The following C20orf96 variants were observed in gnomAD, a reference collection of about 807,000 sequenced individuals.
C20orf96 encodes chromosome 20 open reading frame 96.
In C20orf96, 57 loss-of-function variants were observed where a neutral mutation model predicts 52.6. That is an observed-to-expected ratio of 1.08 (90% CI 0.88 to 1.35). The LOEUF is 1.35. C20orf96 is among the 40% of genes most tolerant of loss of function. C20orf96 has a pLI of 0.00. For missense variants in C20orf96, 478 were observed against 443.6 expected (o/e 1.08, Z -0.70); for synonymous variants, 168 against 157.2 (o/e 1.07, Z -0.51).
intron 3 of C20orf96, among the ~76,000 whole-genome samples, chr20:288,964 T>C (rs920621383): frequency 3.9e-5 from 6 of 152,114 alleles, no homozygotes; most frequent in Non-Finnish European, 8.8e-5. Context: ...AGAGCCAAAA[T>C]CTGACCCCAT....
chr20:285,701 C>A (rs555387732), intron 3 of C20orf96, among the ~76,000 whole-genome samples: 1 of 152,272 alleles, frequency 6.6e-6, no homozygotes, highest in South Asian at 2.1e-4. Context: ...CCTGCCTCAG[C>A]CTCCTGAATA....
At chr20:289,514 T>C (rs778657963) in intron 3 of C20orf96, 45 bp downstream of exon 3, 4 of 1,314,086 alleles carry the variant, frequency 3.0e-6, no homozygotes, top group African/African-American at 1.4e-5. Flanking sequence ...AGCCACTCTA[T>C]CCTGTCTCCA....
chr20:279,753 C>CCT (rs2012201194), intron 4 of C20orf96, among the ~76,000 whole-genome samples: 1 of 152,050 alleles, frequency 6.6e-6, no homozygotes, highest in African/African-American at 2.4e-5. Flanking sequence ...GGGCCGATCA[C>CCT]GAGGTCAAGA....
At position 284,034 on chromosome 20, in the gene C20orf96, T is replaced by A; in HGVS notation, c.235A>T (p.Asn79Tyr). 6 of 1,614,200 alleles carry A rather than the reference T, an allele frequency of 3.7e-6. No individual in the cohort carries two copies. Among genetic ancestry groups the A allele is most frequent in the Non-Finnish European group, 5.1e-6 (6 of 1,180,028 alleles). The change falls in exon 4 of 11, where the codon AAT becomes TAT. Residue 79 changes from asparagine (N) to tyrosine (Y), a missense_variant. Physicochemically the swap from Asn to Tyr is moderately radical, Grantham distance 143 (BLOSUM62 -2). Transcript: ENST00000360321. ...TTVVTSCQPK[N>Y]PRELHRRRKL... is the part of the protein sequence containing the mutation. The stretch of plus-strand genomic sequence containing the variant: ...CGCCTTCTATGTAGTTCTCTTGGAT[T>A]CTTCGGCTGGCAGCTTGTCACCACC...
At position 276,885 on chromosome 20, in the gene C20orf96, GA is replaced by G. The variant is rs2012043740; in HGVS notation, c.826-7del. On this transcript the variant is annotated splice_region_variant and splice_polypyrimidine_tract_variant and intron_variant, in intron 8 of 10. Coordinates refer to ENST00000360321, the MANE Select transcript of C20orf96 (RefSeq NM_153269.3). Reference sequence around the variant, plus strand: ...TCATAGGGACGCTGGGTTTCCTGTGGAGGAAGAAGAGGTCTGGCCCCCAGGT... The same window carrying G: ...TCATAGGGACGCTGGGTTTCCTGTGGGGAAGAAGAGGTCTGGCCCCCAGGT... 2 of 1,613,866 alleles carry G rather than the reference GA, an allele frequency of 1.2e-6. No homozygotes were observed. Among genetic ancestry groups the G allele is most frequent in the African/African-American group, 2.7e-5 (2 of 74,932 alleles).
Position 276,034 on chromosome 20 carries a change from T to C in C20orf96, c.965A>G (p.Glu322Gly). ...GGGTTCCCGGGTCTGGGCTTGGAGC[T>C]CTTCCACCTCGGCCCTTAATACAGG... ...NMPVLRAEVE[E>G]LQAQTREPRE... is the part of the protein sequence containing the mutation. Residue 322 changes from glutamate to glycine, a missense_variant, in exon 10 of 11, where the codon GAG becomes GGG. Glu to Gly is a moderately conservative substitution (Grantham distance 98). Transcript: ENST00000360321. The C allele has an allele frequency of 6.2e-7, 1 of 1,614,130 alleles. No individual in the cohort carries two copies. Among genetic ancestry groups the C allele is most frequent in the Non-Finnish European group, 8.5e-7 (1 of 1,180,016 alleles).
chr20:281,666 T>C (rs746185449), intron 4 of C20orf96, among the ~76,000 whole-genome samples: 7 of 152,112 alleles, frequency 4.6e-5, no homozygotes, highest in Admixed American at 4.6e-4. Context: ...ATGGGCACTA[T>C]TATTAGGCCA....
chr20:285,775 T>C (rs1429595700), intron 3 of C20orf96, among the ~76,000 whole-genome samples: 1 of 152,132 alleles, frequency 6.6e-6, no homozygotes, highest in Non-Finnish European at 1.5e-5. Context: ...AGAGATGCGG[T>C]TTTGCCATGT....
chr20:275,876 A>C, intron 10 of C20orf96, 92 bp downstream of exon 10: 1 of 1,224,214 alleles, frequency 8.2e-7, no homozygotes, highest in Non-Finnish European at 1.2e-6. Flanking sequence ...GGGTTCTGCC[A>C]TCCACACCAG....
Position 284,594 on chromosome 20 carries a change from G to A in C20orf96, c.188-513C>T, listed in dbSNP as rs538315685. Among the ~76,000 whole-genome samples the A allele has an allele frequency of 5.9e-5, 9 of 152,364 alleles. 1 individual carries two copies. The East Asian group carries it at 7.7e-4, about 13-fold the overall frequency. On this transcript the variant is annotated intron_variant, in intron 3 of 10. Transcript: ENST00000360321. ...CTCTTGGCCAGGCATGGCGGCTCAC[G>A]CCTGTAATCTCAACACTTTGGGAGG...
Position 279,126 on chromosome 20 carries a change from G to A in C20orf96, c.465+46C>T. The A allele has an allele frequency of 2.7e-6, 3 of 1,121,058 alleles. No homozygotes were observed. The African/African-American group carries it at 9.6e-5, about 36-fold the overall frequency. The allele number at this position is 1,121,058 out of a possible 1,614,324, so 69.4% of individuals were successfully genotyped here. A position where few individuals can be genotyped will look rare whatever the true frequency, so the allele number is the denominator to read the frequency against. Reference sequence around the variant, plus strand: ...ACGGAGGGAGGGAGGGAGGGACGGAGGTTGGGACGGAGGGACGGAGGGCGG... The same window carrying A: ...ACGGAGGGAGGGAGGGAGGGACGGAAGTTGGGACGGAGGGACGGAGGGCGG... On this transcript the variant is annotated intron_variant, in intron 5 of 10. Transcript: ENST00000360321.
At chr20:279,491 G>T (rs998126165) in intron 4 of C20orf96, among the ~76,000 whole-genome samples, 161 bp from the exon 5 acceptor site, 1 of 152,082 alleles carries the variant, frequency 6.6e-6, no homozygotes, top group Non-Finnish European at 1.5e-5. Flanking sequence ...CATTGTCTGC[G>T]CCGCCCGGGA....
At chr20:278,567 G>C (rs531111696) in intron 5 of C20orf96, 138 bp from the exon 6 acceptor site, 6 of 693,846 alleles carry the variant, frequency 8.6e-6, no homozygotes, top group South Asian at 4.6e-5. Context: ...GACAGTAACA[G>C]TGTCCACCCA....
rs111843233 is a variant in C20orf96 at position 272,200 on chromosome 20, T to TA, written c.1032-934dup. Reference sequence around the variant, plus strand: ...TATTTGAAATTTTTCATAATAATAGTAAAAAAAAAAAGTTCATCTCTATGC... The same window carrying TA: ...TATTTGAAATTTTTCATAATAATAGTAAAAAAAAAAAAGTTCATCTCTATGC... On this transcript the variant is annotated intron_variant, in intron 10 of 10. Transcript: ENST00000360321. Among the ~76,000 whole-genome samples the TA allele has an allele frequency of 2.0e-3, 293 of 148,100 alleles. 3 individuals carry two copies. In the East Asian group the frequency reaches 0.027, roughly 14 times the overall value.
chr20:283,643 G>C (rs1475230760), intron 4 of C20orf96, among the ~76,000 whole-genome samples: 1 of 152,046 alleles, frequency 6.6e-6, no homozygotes, highest in South Asian at 2.1e-4. Flanking sequence ...CCACTAGATC[G>C]TGTTCCTAAT....
Position 279,226 on chromosome 20 carries a change from C to T in C20orf96, c.411G>A (p.Glu137=), listed in dbSNP as rs754487137. Residue 137 remains glutamate, a synonymous_variant, in exon 5 of 11, where the codon GAG becomes GAA. Coordinates refer to ENST00000360321, the MANE Select transcript of C20orf96 (RefSeq NM_153269.3). ...RELIETIQEM[E]NSTTLHVRAL... ...CCCGCACGTGCAGGGTCGTGCTGTTCTCCATCTCCTGGATGGTCTCGATCA... is the reference window on the plus strand; with the variant it reads ...CCCGCACGTGCAGGGTCGTGCTGTTTTCCATCTCCTGGATGGTCTCGATCA... 8.7e-6 allele frequency: 14 copies of T among 1,610,560 alleles called. No homozygotes were observed. The highest frequency in any genetic ancestry group is 2.2e-5 in the South Asian group (2 of 91,016).
intron 4 of C20orf96, among the ~76,000 whole-genome samples, 162 bp from the exon 5 acceptor site, chr20:279,492 C>T (rs1481122558): frequency 6.6e-6 from 1 of 152,124 alleles, no homozygotes; most frequent in Non-Finnish European, 1.5e-5. Flanking sequence ...ATTGTCTGCG[C>T]CGCCCGGGAG....
Position 278,323 on chromosome 20 carries a change from T to C in C20orf96, c.565+7A>G. On this transcript the variant is annotated splice_region_variant and intron_variant, in intron 6 of 10. Transcript: ENST00000360321. The stretch of plus-strand genomic sequence containing the variant: ...GGAGGGTCAAGGAATTTGCCAGGGA[T>C]TCTTACAGCTCATCTTGCATTTCTT... 6.2e-7 allele frequency: 1 copy of C among 1,610,732 alleles called. No homozygotes were observed. The highest frequency in any genetic ancestry group is 1.1e-5 in the South Asian group (1 of 91,014).
chr20:279,902 G>A (rs202001556), intron 4 of C20orf96, among the ~76,000 whole-genome samples: 22 of 152,094 alleles, frequency 1.4e-4, no homozygotes, highest in African/African-American at 5.1e-4. Context: ...CCTGGGAGGC[G>A]GAGGTTGCAG....
Sources: gnomAD v4.1 joint callset for allele counts (sites outside exome capture counted in the v4.1 genomes callset) on GRCh38, gnomAD v4.1.1 for gene constraint, MANE v1.5 for transcripts, NCBI Gene and HGNC (gene_info 2026-07-23, HGNC 2026-07-21) for gene names.